The following HTR4 variants were observed in gnomAD, a reference collection of about 807,000 sequenced individuals.
HTR4 encodes 5-hydroxytryptamine (serotonin) receptor 4, G protein-coupled.
HTR4 carries 16 observed loss-of-function variants against 36.8 expected under a neutral mutation model. The ratio of observed to expected loss-of-function variants is 0.43; its 90% CI spans 0.29 to 0.66. The LOEUF (loss-of-function observed/expected upper bound fraction) is 0.66, where lower values mean the gene tolerates loss of function less well. Among genes scored for constraint, HTR4 ranks in the 30% least tolerant of loss-of-function variants. The pLI, the probability that HTR4 is intolerant of heterozygous loss-of-function variation, is 0.13. For missense variants in HTR4, 438 were observed against 490.9 expected, an observed-to-expected ratio of 0.89 and a Z score of 1.02; for synonymous variants, 189 against 185.1, an observed-to-expected ratio of 1.02 and a Z score of -0.17.
chr5:148,565,788 T>C (rs1340758348), intron 2 of HTR4, among the ~76,000 whole-genome samples: 1 of 152,120 alleles, frequency 6.6e-6, no homozygotes, highest in Non-Finnish European at 1.5e-5. Context: ...ATTCTCTACC[T>C]GGATTAGACC....
At chr5:148,558,634 C>T (rs1402931793) in intron 2 of HTR4, among the ~76,000 whole-genome samples, 1 of 152,068 alleles carries the variant, frequency 6.6e-6, no homozygotes, top group African/African-American at 2.4e-5. Context: ...TAAAACCGTC[C>T]CTTGTCGTGA....
At chr5:148,576,118 A>AAAAAAAAAAAC (rs1760895987) in intron 2 of HTR4, among the ~76,000 whole-genome samples, 2 of 137,878 alleles carry the variant, frequency 1.5e-5, no homozygotes, top group Non-Finnish European at 3.3e-5. Flanking sequence ...CTCAAAAAAA[A>AAAAAAAAAAAC]AAAAAAAAAA....
intron 6 of HTR4, among the ~76,000 whole-genome samples, chr5:148,497,521 G>A (rs910552390): frequency 6.6e-6 from 1 of 152,194 alleles, no homozygotes; most frequent in Non-Finnish European, 1.5e-5. Flanking sequence ...GACCACAAGA[G>A]ATGATAAGAC....
chr5:148,567,220 C>G (rs1047826299), intron 2 of HTR4, among the ~76,000 whole-genome samples: 1 of 152,090 alleles, frequency 6.6e-6, no homozygotes, highest in Non-Finnish European at 1.5e-5. Flanking sequence ...TTTTTTTAAA[C>G]AAAGTTCTCT....
chr5:148,452,678 G>A (rs1755002094), intron 5 of HTR4, among the ~76,000 whole-genome samples: 1 of 152,208 alleles, frequency 6.6e-6, no homozygotes, highest in African/African-American at 2.4e-5. Flanking sequence ...TGAAGGGCAT[G>A]AGTCCGAGTT....
At chr5:148,562,122 T>C (rs1050691882) in intron 2 of HTR4, among the ~76,000 whole-genome samples, 6 of 152,250 alleles carry the variant, frequency 3.9e-5, no homozygotes, top group Non-Finnish European at 7.3e-5. Context: ...CTGCTGTCTG[T>C]TTTTGTAAAT....
chr5:148,479,963 GA>G (rs1755825085), downstream of HTR4, among the ~76,000 whole-genome samples: 1 of 152,106 alleles, frequency 6.6e-6, no homozygotes, highest in East Asian at 1.9e-4. Context: ...ATCAGATCAG[GA>G]AAATTTTCAA....
intron 5 of HTR4, among the ~76,000 whole-genome samples, chr5:148,519,748 T>G (rs1757924051): frequency 6.6e-6 from 1 of 152,204 alleles, no homozygotes. Flanking sequence ...CTCTATCATC[T>G]TGTTTCACTT....
intron 6 of HTR4, among the ~76,000 whole-genome samples, chr5:148,503,142 T>G (rs1757016478): frequency 1.3e-5 from 2 of 151,968 alleles, no homozygotes; most frequent in Non-Finnish European, 2.9e-5. Context: ...ATACAGAGAA[T>G]GCCACAAAGA....
downstream of HTR4, among the ~76,000 whole-genome samples, chr5:148,476,029 G>A (rs1285204282): frequency 2.0e-5 from 3 of 152,174 alleles, no homozygotes; most frequent in African/African-American, 7.2e-5. Flanking sequence ...ATTTACAAAT[G>A]GCAAAACTTT....
chr5:148,523,398 G>A, intron 4 of HTR4, 52 bp from the exon 5 acceptor site: 1 of 1,481,790 alleles, frequency 6.7e-7, no homozygotes, highest in South Asian at 1.3e-5. Context: ...AGGAATGGGA[G>A]GGAGAGAAAA....
chr5:148,493,239 A>G (rs1756539106), intron 6 of HTR4, among the ~76,000 whole-genome samples: 1 of 152,214 alleles, frequency 6.6e-6, no homozygotes, highest in South Asian at 2.1e-4. Context: ...TGACCAGTGC[A>G]TATACAGGAA....
chr5:148,524,378 C>T (rs1182619106), intron 4 of HTR4, among the ~76,000 whole-genome samples: 1 of 152,146 alleles, frequency 6.6e-6, no homozygotes, highest in Non-Finnish European at 1.5e-5. Flanking sequence ...TCCATCATTT[C>T]CTGTCTACTG....
At chr5:148,474,483 C>G (rs772039503), downstream of HTR4, among the ~76,000 whole-genome samples, 3 of 152,120 alleles carry the variant, frequency 2.0e-5, no homozygotes, top group African/African-American at 7.2e-5. Flanking sequence ...CCCCTAATGA[C>G]ATTCAATACG....
intron 2 of HTR4, among the ~76,000 whole-genome samples, chr5:148,566,874 A>T (rs977796817): frequency 8.5e-5 from 13 of 152,100 alleles, no homozygotes; most frequent in African/African-American, 3.1e-4. Flanking sequence ...TAATCTAAAA[A>T]AATTTGAATT....
downstream of HTR4, among the ~76,000 whole-genome samples, chr5:148,475,927 G>A (rs984414094): frequency 6.6e-6 from 1 of 152,196 alleles, no homozygotes. Context: ...GAACTTGCTT[G>A]TGTCACACAT....
At chr5:148,619,260 C>A (rs1267940835) in intron 2 of HTR4, among the ~76,000 whole-genome samples, 1 of 152,098 alleles carries the variant, frequency 6.6e-6, no homozygotes, top group Admixed American at 6.5e-5. Flanking sequence ...TGGGCCAGAC[C>A]ATTTTTAAGG....
intron 2 of HTR4, among the ~76,000 whole-genome samples, chr5:148,606,778 T>C (rs975656933): frequency 3.9e-5 from 6 of 152,194 alleles, no homozygotes; most frequent in Non-Finnish European, 8.8e-5. Context: ...ATAGGTCCCA[T>C]TGTTCTTTGA....
At chr5:148,519,765 G>A (rs1351342709) in intron 5 of HTR4, among the ~76,000 whole-genome samples, 7 of 152,116 alleles carry the variant, frequency 4.6e-5, no homozygotes, top group Admixed American at 4.6e-4. Context: ...ACTTCAACAA[G>A]TGTCCTTTTT....
Sources: allele counts gnomAD v4.1 joint callset (sites outside exome capture counted in the v4.1 genomes callset), GRCh38; gene constraint gnomAD v4.1.1; transcripts MANE v1.5; gene names NCBI Gene and HGNC (gene_info 2026-07-23, HGNC 2026-07-21).